The following LRMDA variants were observed in gnomAD, a reference collection of about 807,000 sequenced individuals.
LRMDA encodes leucine-rich melanocyte differentiation-associated protein.
A neutral mutation model predicts 29.8 loss-of-function variants in LRMDA; 18 were observed. The observed-to-expected ratio is 0.60, with a 90% CI of 0.42 to 0.90. The LOEUF (loss-of-function observed/expected upper bound fraction) is 0.90. LRMDA is among the 40% of genes least tolerant of loss of function. The pLI is 0.00. For synonymous variants in LRMDA, 125 were observed against 109.4 expected (o/e 1.14, Z -0.89); for missense variants, 273 against 273.9 (o/e 1.00, Z 0.02).
At chr10:76,162,156 G>T (rs527459148) in intron 5 of LRMDA, among the ~76,000 whole-genome samples, 1 of 152,160 alleles carries the variant, frequency 6.6e-6, no homozygotes, top group East Asian at 1.9e-4. Flanking sequence ...TCGTGCTGTG[G>T]TGTTTACTTT....
At chr10:76,377,921 A>AT (rs902673995) in intron 6 of LRMDA, among the ~76,000 whole-genome samples, 4 of 152,140 alleles carry the variant, frequency 2.6e-5, no homozygotes, top group African/African-American at 9.6e-5. Context: ...GGAAAATAAT[A>AT]TTGGTGATTC....
intron 6 of LRMDA, among the ~76,000 whole-genome samples, chr10:76,355,932 C>G (rs766895911): frequency 7.2e-5 from 11 of 152,026 alleles, no homozygotes; most frequent in Non-Finnish European, 1.2e-4. Flanking sequence ...GTATTGTTCC[C>G]CTTGACAGCT....
At chr10:75,470,358 G>T (rs1844710984) in intron 2 of LRMDA, among the ~76,000 whole-genome samples, 1 of 152,152 alleles carries the variant, frequency 6.6e-6, no homozygotes, top group African/African-American at 2.4e-5. Context: ...TTAGCTGGGT[G>T]TGGTGGCAGG....
intron 2 of LRMDA, among the ~76,000 whole-genome samples, chr10:75,820,875 T>C (rs563546764): frequency 6.6e-6 from 1 of 152,274 alleles, no homozygotes; most frequent in East Asian, 1.9e-4. Context: ...CCAGAGACTA[T>C]TGTGACCATC....
rs1285479527 is a variant in LRMDA at position 76,429,646 on chromosome 10, T to C, written c.601+105161T>C. Among the ~76,000 whole-genome samples the C allele has an allele frequency of 3.3e-5, 5 of 152,290 alleles. No homozygotes were observed. In the South Asian group the frequency reaches 8.3e-4, roughly 25 times the overall value. On this transcript the variant is annotated intron_variant, in intron 6 of 6. Coordinates refer to ENST00000611255, the MANE Select transcript of LRMDA (RefSeq NM_001305581.2). ...CTGAGGAAAGAAACTCTTTTTTCAT[T>C]GTAGCTACAATGAACATCCCCAAAT...
At chr10:75,476,097 C>A (rs1014043004) in intron 2 of LRMDA, among the ~76,000 whole-genome samples, 1 of 152,196 alleles carries the variant, frequency 6.6e-6, no homozygotes, top group African/African-American at 2.4e-5. Flanking sequence ...GGAGGCCAAG[C>A]CTTTCAGGAG....
At chr10:75,508,660 A>T (rs1164352835) in intron 2 of LRMDA, among the ~76,000 whole-genome samples, 1 of 152,214 alleles carries the variant, frequency 6.6e-6, no homozygotes, top group South Asian at 2.1e-4. Context: ...TGTGCTTTAG[A>T]TGATGGTTTC....
chr10:75,510,186 T>A (rs1193644763), intron 2 of LRMDA, among the ~76,000 whole-genome samples: 1 of 152,252 alleles, frequency 6.6e-6, no homozygotes, highest in Non-Finnish European at 1.5e-5. Context: ...ACTTGGTGCT[T>A]GCTTTCTTCC....
At chr10:76,134,785 C>T (rs1258690500) in intron 5 of LRMDA, among the ~76,000 whole-genome samples, 1 of 151,912 alleles carries the variant, frequency 6.6e-6, no homozygotes, top group African/African-American at 2.4e-5. Flanking sequence ...GGATTTCCCT[C>T]CAATAAAATT....
At chr10:75,682,540 G>A (rs910218241) in intron 2 of LRMDA, among the ~76,000 whole-genome samples, 2 of 152,014 alleles carry the variant, frequency 1.3e-5, no homozygotes, top group East Asian at 1.9e-4. Context: ...ACTATATTAT[G>A]TATTATATAG....
chr10:76,402,599 C>T (rs1189743285), intron 6 of LRMDA, among the ~76,000 whole-genome samples: 1 of 152,088 alleles, frequency 6.6e-6, no homozygotes, highest in Non-Finnish European at 1.5e-5. Context: ...GGCAATCCTC[C>T]CGCCTTGATC....
chr10:75,813,147 G>A (rs952961906), intron 2 of LRMDA, among the ~76,000 whole-genome samples: 1 of 152,172 alleles, frequency 6.6e-6, no homozygotes, highest in African/African-American at 2.4e-5. Context: ...GGAATGGATA[G>A]GCAAGAGTCT....
chr10:76,327,092 C>CTTT lies in LRMDA; in HGVS notation c.601+2622_601+2624dup, dbSNP rs35683783. Among the ~76,000 whole-genome samples, 1,226 of 134,930 alleles carry CTTT rather than the reference C, an allele frequency of 9.1e-3. 39 individuals carry two copies. Among genetic ancestry groups the CTTT allele is most frequent in the East Asian group, 0.089 (411 of 4,622 alleles). The allele number at this position is 134,930 out of a possible 152,430, so 88.5% of individuals were successfully genotyped here. A position where few individuals can be genotyped will look rare whatever the true frequency, so the allele number is the denominator to read the frequency against. On this transcript the variant is annotated intron_variant, in intron 6 of 6. Transcript: ENST00000611255. ...AGAGGCAGCAGTAAGTCCAAATCAT[C>CTTT]TTTTTTTTTTTTTTTTTGAGATGGA... is the stretch of plus-strand genomic sequence containing the variant.
intron 6 of LRMDA, among the ~76,000 whole-genome samples, chr10:76,482,093 T>C (rs1237021376): frequency 1.3e-5 from 2 of 151,956 alleles, no homozygotes; most frequent in African/African-American, 4.8e-5. Flanking sequence ...TCCTTCTTGG[T>C]TCATAACATG....
At chr10:75,479,257 C>T (rs563173755) in intron 2 of LRMDA, among the ~76,000 whole-genome samples, 34 of 152,226 alleles carry the variant, frequency 2.2e-4, no homozygotes, top group Middle Eastern at 3.4e-3. Context: ...CCTGTAATCC[C>T]AGCACTTTGG....
chr10:76,029,981 G>C (rs955778780), intron 2 of LRMDA, among the ~76,000 whole-genome samples: 1 of 152,056 alleles, frequency 6.6e-6, no homozygotes, highest in African/African-American at 2.4e-5. Flanking sequence ...CTGTAGCCTG[G>C]CCCTCCTGGG....
In LRMDA at chr10:76,366,106, A is replaced by G. The variant is rs535744172; in HGVS notation, c.601+41621A>G. 8.5e-5 allele frequency among the ~76,000 whole-genome samples: 13 copies of G among 152,222 alleles called. No individual in the cohort carries two copies. In the South Asian group the frequency reaches 2.5e-3, roughly 29 times the overall value. On this transcript the variant is annotated intron_variant, in intron 6 of 6. Coordinates refer to ENST00000611255, the MANE Select transcript of LRMDA (RefSeq NM_001305581.2). ...TTCTGTTCCATTGGTCTGAGTGCCT[A>G]TTTTTATACCAGTACCACGCTGTTT...
intron 6 of LRMDA, chr10:76,536,111 A>G (rs1012552237): frequency 2.0e-5 from 3 of 152,186 alleles, no homozygotes; most frequent in Non-Finnish European, 4.4e-5. Flanking sequence ...ATTTAAATAA[A>G]TTACAGACAC....
intron 5 of LRMDA, among the ~76,000 whole-genome samples, chr10:76,320,409 C>G (rs997133132): frequency 1.3e-5 from 2 of 152,166 alleles, no homozygotes; most frequent in African/African-American, 4.8e-5. Context: ...TTACCATCAT[C>G]TGCTTTTTTC....
Sources: gnomAD v4.1 joint callset for allele counts (sites outside exome capture counted in the v4.1 genomes callset) on GRCh38, gnomAD v4.1.1 for gene constraint, MANE v1.5 for transcripts, NCBI Gene and HGNC (gene_info 2026-07-23, HGNC 2026-07-21) for gene names.